AP3S1: variants seen among roughly 807,000 people sequenced by gnomAD.
AP3S1 encodes the protein AP-3 complex subunit sigma-1.
A neutral mutation model predicts 21.3 loss-of-function variants in AP3S1; 12 were observed. That is an observed-to-expected ratio of 0.56 (90% CI 0.36 to 0.91). AP3S1 has a LOEUF of 0.91. AP3S1 is among the 40% of genes least tolerant of loss of function. The pLI, the probability that AP3S1 is intolerant of heterozygous loss-of-function variation, is 0.01. For missense variants in AP3S1, 116 were observed against 225.0 expected (o/e 0.52, Z 3.10); for synonymous variants, 48 against 78.4 (o/e 0.61, Z 2.05).
intron 3 of AP3S1, among the ~76,000 whole-genome samples, chr5:115,894,477 A>G (rs1478115802): frequency 6.6e-6 from 1 of 152,228 alleles, no homozygotes; most frequent in East Asian, 1.9e-4. Flanking sequence ...CTTAGTTCTC[A>G]GGAGCTGGCC....
chr5:115,880,291 A>G (rs1280284825), intron 3 of AP3S1, among the ~76,000 whole-genome samples: 1 of 152,146 alleles, frequency 6.6e-6, no homozygotes, highest in Non-Finnish European at 1.5e-5. Context: ...TTGTGATGTT[A>G]GGGTGTCGAT....
chr5:115,899,381 A>C (rs1751025840), intron 4 of AP3S1, among the ~76,000 whole-genome samples: 1 of 152,254 alleles, frequency 6.6e-6, no homozygotes, highest in African/African-American at 2.4e-5. Context: ...CAGATTGAAC[A>C]ATCAGAAATT....
Position 115,859,325 on chromosome 5 carries a change from C to CT in AP3S1, c.70-7338dup, listed in dbSNP as rs1209475639. Among the ~76,000 whole-genome samples, 16 of 152,196 alleles carry CT rather than the reference C, an allele frequency of 1.1e-4. No individual in the cohort carries two copies. The South Asian group carries it at 1.9e-3, about 18-fold the overall frequency. On this transcript the variant is annotated intron_variant, in intron 1 of 5. Transcript: ENST00000316788. ...GTCAACTAGAACCTTTCATGTGGGC[C>CT]TTTTTTTATCATTCTTGAGAAGGGG... is the stretch of plus-strand genomic sequence containing the variant.
At chr5:115,852,269 A>G (rs1308321470) in intron 1 of AP3S1, among the ~76,000 whole-genome samples, 1 of 152,018 alleles carries the variant, frequency 6.6e-6, no homozygotes, top group African/African-American at 2.4e-5. Flanking sequence ...TAAGATCTGA[A>G]GAGAAACCAG....
At chr5:115,892,626 A>G (rs1580718251) in intron 3 of AP3S1, among the ~76,000 whole-genome samples, 1 of 152,150 alleles carries the variant, frequency 6.6e-6, no homozygotes, top group Non-Finnish European at 1.5e-5. Context: ...TCATGGACAT[A>G]GAGAGTAGAA....
intron 3 of AP3S1, among the ~76,000 whole-genome samples, chr5:115,873,331 A>G (rs953858320): frequency 1.3e-5 from 2 of 152,198 alleles, no homozygotes; most frequent in Non-Finnish European, 2.9e-5. Flanking sequence ...TTTTTTATCC[A>G]TGCTTCACAC....
intron 1 of AP3S1, among the ~76,000 whole-genome samples, chr5:115,860,004 A>C (rs1489657909): frequency 1.3e-5 from 2 of 152,214 alleles, no homozygotes; most frequent in African/African-American, 2.4e-5. Context: ...GTAAGAAGTC[A>C]GATGTGGGTT....
At chr5:115,892,194 A>G (rs932380737) in intron 3 of AP3S1, among the ~76,000 whole-genome samples, 20 of 152,176 alleles carry the variant, frequency 1.3e-4, no homozygotes, top group African/African-American at 1.9e-4. Flanking sequence ...AGAAAAGGGA[A>G]CCCTTGTACA....
At chr5:115,849,754 A>C (rs908576346) in intron 1 of AP3S1, among the ~76,000 whole-genome samples, 2 of 152,120 alleles carry the variant, frequency 1.3e-5, no homozygotes, top group African/African-American at 4.8e-5. Flanking sequence ...AGGCCAGTGA[A>C]TGAAGGTAAA....
At chr5:115,856,643 G>T (rs7712862) in intron 1 of AP3S1, among the ~76,000 whole-genome samples, 57,265 of 151,316 alleles carry the variant, frequency 0.38, 11,037 homozygotes, top group African/African-American at 0.45. Flanking sequence ...TTTTTAAAAC[G>T]TTGTTGTTGT....
intron 1 of AP3S1, among the ~76,000 whole-genome samples, chr5:115,851,016 A>G (rs1184095504): frequency 6.6e-6 from 1 of 152,196 alleles, no homozygotes; most frequent in Non-Finnish European, 1.5e-5. Context: ...AGTAGTTTAT[A>G]GTGTGTGGTG....
intron 1 of AP3S1, among the ~76,000 whole-genome samples, chr5:115,863,707 C>CTA (rs1354582443): frequency 2.0e-5 from 3 of 152,042 alleles, no homozygotes. Flanking sequence ...CACAGGAATG[C>CTA]TATAAGAAAG....
chr5:115,850,042 T>C (rs1476524701), intron 1 of AP3S1, among the ~76,000 whole-genome samples: 3 of 152,218 alleles, frequency 2.0e-5, no homozygotes, highest in Non-Finnish European at 4.4e-5. Context: ...TCTTAGCTTA[T>C]TGTCTTAATT....
At position 115,869,742 on chromosome 5, in the gene AP3S1, C is replaced by T. The variant is rs568250020; in HGVS notation, c.162-275C>T. 2.0e-5 allele frequency among the ~76,000 whole-genome samples: 3 copies of T among 152,250 alleles called. No homozygotes were observed. The East Asian group carries it at 5.8e-4, about 29-fold the overall frequency. ...TGATGTGTGTGTTTGTTGCTTCTTC[C>T]CCACTACCAGTGCTTGGCACATAGT... On this transcript the variant is annotated intron_variant, in intron 2 of 5. Transcript: ENST00000316788.
intron 3 of AP3S1, among the ~76,000 whole-genome samples, chr5:115,879,376 A>T (rs997469894): frequency 6.6e-6 from 1 of 152,184 alleles, no homozygotes; most frequent in Non-Finnish European, 1.5e-5. Flanking sequence ...TGTTCCATCT[A>T]TACGTAGTTT....
At chr5:115,873,272 C>A (rs1157790861) in intron 3 of AP3S1, among the ~76,000 whole-genome samples, 1 of 152,094 alleles carries the variant, frequency 6.6e-6, no homozygotes, top group Admixed American at 6.5e-5. Context: ...AAAGTAAATT[C>A]TGTCATGTAC....
At position 115,870,000 on chromosome 5, in the gene AP3S1, AT is replaced by A. The variant is rs762701533; in HGVS notation, c.162-10del. The A allele has an allele frequency of 8.6e-6, 10 of 1,167,166 alleles. No individual in the cohort carries two copies. The highest frequency in any genetic ancestry group is 2.3e-5 in the Admixed American group (1 of 43,366). The allele number at this position is 1,167,166 out of a possible 1,614,324, so 72.3% of individuals were successfully genotyped here. On this transcript the variant is annotated splice_polypyrimidine_tract_variant and intron_variant, in intron 2 of 5. Coordinates refer to ENST00000316788, the MANE Select transcript of AP3S1 (RefSeq NM_001284.4). The stretch of plus-strand genomic sequence containing the variant: ...GCATTTTGTTTCCAATAACATTACA[AT>A]TTTTTTGTCATTTAGATTAATTGGA...
chr5:115,860,814 A>G (rs922340250), intron 1 of AP3S1, among the ~76,000 whole-genome samples: 1 of 152,210 alleles, frequency 6.6e-6, no homozygotes, highest in Non-Finnish European at 1.5e-5. Flanking sequence ...GGCAGGCAAC[A>G]AAGGCAGATG....
chr5:115,878,562 GT>G (rs1212809795), intron 3 of AP3S1, among the ~76,000 whole-genome samples: 1 of 152,134 alleles, frequency 6.6e-6, no homozygotes, highest in African/African-American at 2.4e-5. Context: ...GTGTATACCT[GT>G]TTTGGCACCA....
Sources: allele counts gnomAD v4.1 joint callset (sites outside exome capture counted in the v4.1 genomes callset), GRCh38; gene constraint gnomAD v4.1.1; transcripts MANE v1.5; gene names NCBI Gene and HGNC (gene_info 2026-07-23, HGNC 2026-07-21).